The following ZNF335 variants were observed in gnomAD, a reference collection of about 807,000 sequenced individuals.
ZNF335 encodes the protein zinc finger protein 335.
Under a neutral mutation model 145.6 loss-of-function variants are expected in ZNF335, and 84 were observed. That is an observed-to-expected ratio of 0.58 (90% CI 0.48 to 0.69). The LOEUF (loss-of-function observed/expected upper bound fraction) is 0.69, where lower values mean the gene tolerates loss of function less well. Ranked by LOEUF, ZNF335 falls within the 30% of genes least tolerant of loss-of-function variation. The pLI is 0.00. For missense variants in ZNF335, 1,865 were observed against 1,809.7 expected, an observed-to-expected ratio of 1.03 and a Z score of -0.55; for synonymous variants, 761 against 717.0, an observed-to-expected ratio of 1.06 and a Z score of -0.98.
At chr20:45,951,962 G>C (rs545968888) in intron 20 of ZNF335, among the ~76,000 whole-genome samples, 185 bp downstream of exon 20, 2 of 152,246 alleles carry the variant, frequency 1.3e-5, no homozygotes, top group Middle Eastern at 3.2e-3. Flanking sequence ...CACGTTGTGT[G>C]TGGTTTGCCT....
intron 17 of ZNF335, among the ~76,000 whole-genome samples, chr20:45,957,296 G>A (rs986044100): frequency 6.6e-6 from 1 of 152,198 alleles, no homozygotes; most frequent in Non-Finnish European, 1.5e-5. Context: ...GTGGGAGGAA[G>A]ACAAAACAAG....
In ZNF335 at chr20:45,949,881, C is replaced by T; in HGVS notation, c.3592-4G>A. ...CTTGGATGTAGGCGGCTTCCTCCTG[C>T]CAGGACCAAGACAGCTCTAGCCTCA... On this transcript the variant is annotated splice_polypyrimidine_tract_variant and splice_region_variant and intron_variant, in intron 23 of 27. Coordinates refer to ENST00000322927, the MANE Select transcript of ZNF335 (RefSeq NM_022095.4). The T allele has an allele frequency of 6.2e-7, 1 of 1,614,164 alleles. No homozygotes were observed. Among genetic ancestry groups the T allele is most frequent in the Non-Finnish European group, 8.5e-7 (1 of 1,180,028 alleles).
chr20:45,960,405 G>T, intron 13 of ZNF335, 37 bp from the exon 14 acceptor site: 1 of 1,614,184 alleles, frequency 6.2e-7, no homozygotes, highest in Non-Finnish European at 8.5e-7. Context: ...TCAGTAATGA[G>T]CTGGGGACTG....
intron 18 of ZNF335, 65 bp from the exon 19 acceptor site, chr20:45,952,774 C>T: frequency 1.4e-6 from 2 of 1,453,690 alleles, no homozygotes. Flanking sequence ...CCCCAAGCAA[C>T]AGGCATCAAC....
chr20:45,962,866 T>C (rs1366676100), intron 9 of ZNF335, among the ~76,000 whole-genome samples: 5 of 137,722 alleles, frequency 3.6e-5, no homozygotes, highest in African/African-American at 8.5e-5. Context: ...CAGGCTGGAG[T>C]GCAATGGTGT....
intron 17 of ZNF335, among the ~76,000 whole-genome samples, chr20:45,955,547 G>A (rs1193720947): frequency 2.6e-5 from 4 of 151,878 alleles, no homozygotes; most frequent in East Asian, 1.9e-4. Flanking sequence ...GGCTGGGTAC[G>A]GTGGCTCACA....
chr20:45,952,576 G>A, intron 19 of ZNF335, 22 bp downstream of exon 19: 2 of 1,612,956 alleles, frequency 1.2e-6, no homozygotes, highest in Non-Finnish European at 1.7e-6. Context: ...GTGGGGGAGT[G>A]GTTGGCATCC....
chr20:45,964,735 A>G (rs2083917661), intron 7 of ZNF335, among the ~76,000 whole-genome samples: 1 of 152,106 alleles, frequency 6.6e-6, no homozygotes, highest in South Asian at 2.1e-4. Flanking sequence ...TTTTTGAAAT[A>G]GAGACTAAAG....
Position 45,967,935 on chromosome 20 carries a change from T to G in ZNF335, c.613A>C (p.Thr205Pro). 6.2e-7 allele frequency: 1 copy of G among 1,607,828 alleles called. No homozygotes were observed. Residue 205 changes from threonine (T) to proline (P), a missense_variant, in exon 5 of 28, where the codon ACA becomes CCA. Transcript: ENST00000322927. ...GGCCCACCCTGTGCCTCCAGGCATG[T>G]GGATGTGGATGTGGGGCCATCTGCC... Reference protein sequence around the residue: ...ALADGPTSTSTCLEAQGGPSS... With the variant: ...ALADGPTSTSPCLEAQGGPSS...
chr20:45,963,435 A>C (rs1568821963), intron 9 of ZNF335, 38 bp downstream of exon 9: 4 of 1,584,314 alleles, frequency 2.5e-6, no homozygotes, highest in Non-Finnish European at 2.6e-6. Context: ...TGCCTTCTTC[A>C]CCCTCCCATG....
intron 7 of ZNF335, among the ~76,000 whole-genome samples, chr20:45,964,702 A>C (rs1018314968): frequency 6.6e-6 from 1 of 152,152 alleles, no homozygotes; most frequent in African/African-American, 2.4e-5. Context: ...CTTTCCATAC[A>C]TATGTGCCTC....
Position 45,967,573 on chromosome 20 carries a change from G to A in ZNF335, c.876C>T (p.Thr292=). The change falls in exon 6 of 28, where the codon ACC becomes ACT. Residue 292 remains threonine, a synonymous_variant. Transcript: ENST00000322927. The stretch of plus-strand genomic sequence containing the variant: ...CTGGTCCCTCTTCCTCTTGGCTCTT[G>A]GTGGAGGTGCTCCACTTCCGTAGAC... ...KGRLRKWSTS[T]KSQEEEGPEE... is the part of the protein sequence containing the mutation. The A allele has an allele frequency of 6.2e-7, 1 of 1,614,048 alleles. No homozygotes were observed. Among genetic ancestry groups the A allele is most frequent in the Non-Finnish European group, 8.5e-7 (1 of 1,180,022 alleles).
intron 24 of ZNF335, 31 bp downstream of exon 24, chr20:45,949,769 C>G: frequency 5.0e-6 from 8 of 1,612,998 alleles, no homozygotes; most frequent in Non-Finnish European, 6.8e-6. Context: ...GAGGTCACAG[C>G]TGAGGGGATT....
chr20:45,963,171 C>T (rs1456959234), intron 9 of ZNF335, among the ~76,000 whole-genome samples: 1 of 152,154 alleles, frequency 6.6e-6, no homozygotes, highest in Non-Finnish European at 1.5e-5. Context: ...CTTTCTAACA[C>T]ATGGAATCAG....
rs550098870 is a variant in ZNF335, at chr20:45,960,815, A to G, written c.1665+49T>C. 23 of 1,613,846 alleles carry G rather than the reference A, an allele frequency of 1.4e-5. No homozygotes were observed. In the South Asian group the frequency reaches 2.4e-4, roughly 17 times the overall value. ...CCTCCCCTCTTGTCCTCACCCCCAT[A>G]AACAACCCCCGGGCAGGTTCCCTTC... On this transcript the variant is annotated intron_variant, in intron 11 of 27. Transcript: ENST00000322927.
At chr20:45,955,808 A>G (rs1179751908) in intron 17 of ZNF335, among the ~76,000 whole-genome samples, 1 of 128,108 alleles carries the variant, frequency 7.8e-6, no homozygotes, top group East Asian at 2.3e-4. Context: ...TGACAAAATG[A>G]GACTCCATCT....
intron 20 of ZNF335, 56 bp from the exon 21 acceptor site, chr20:45,950,651 TC>T (rs2083614516): frequency 6.3e-7 from 1 of 1,591,900 alleles, no homozygotes; most frequent in South Asian, 1.1e-5. Context: ...TGGCAACAAA[TC>T]CCCGGATCCC....
chr20:45,968,272 C>T lies in ZNF335; in HGVS notation c.520+13G>A. On this transcript the variant is annotated intron_variant, in intron 4 of 27. Coordinates refer to ENST00000322927, the MANE Select transcript of ZNF335 (RefSeq NM_022095.4). ...ACTGCAGGCCTCCCCGATTCTGGCA[C>T]CTGGGGTCTTACCATCATCTGGGCC... The T allele has an allele frequency of 8.1e-6, 13 of 1,611,350 alleles. No homozygotes were observed. Among genetic ancestry groups the T allele is most frequent in the Non-Finnish European group, 1.1e-5 (13 of 1,177,922 alleles).
At chr20:45,955,053 GATTTATA>G (rs1211889156) in intron 17 of ZNF335, among the ~76,000 whole-genome samples, 1 of 151,944 alleles carries the variant, frequency 6.6e-6, no homozygotes, top group Non-Finnish European at 1.5e-5. Context: ...GATTGGTAAA[GATTTATA>G]ACGACTGAGG....
Sources: allele counts gnomAD v4.1 joint callset (sites outside exome capture counted in the v4.1 genomes callset), GRCh38; gene constraint gnomAD v4.1.1; transcripts MANE v1.5; gene names NCBI Gene and HGNC (gene_info 2026-07-23, HGNC 2026-07-21).